PTPN13: variants seen among roughly 807,000 people sequenced by gnomAD.
PTPN13 encodes protein tyrosine phosphatase non-receptor type 13.
PTPN13 carries 191 observed loss-of-function variants against 284.0 expected under a neutral mutation model. The ratio of observed to expected loss-of-function variants is 0.67; its 90% CI spans 0.60 to 0.76. The LOEUF is 0.76. Ranked by LOEUF, PTPN13 falls within the 30% of genes least tolerant of loss-of-function variation. The pLI is 0.00. For missense variants in PTPN13, 2,797 were observed against 2,939.9 expected (o/e 0.95, Z 1.12); for synonymous variants, 986 against 1,022.3 (o/e 0.96, Z 0.68).
Position 86,762,745 on chromosome 4 carries a change from A to T in PTPN13, c.3572A>T (p.His1191Leu). 1 of 1,600,762 alleles carries T rather than the reference A, an allele frequency of 6.2e-7. No individual in the cohort carries two copies. The highest frequency in any genetic ancestry group is 8.6e-7 in the Non-Finnish European group (1 of 1,168,758). Residue 1191 changes from histidine (H) to leucine (L), a missense_variant, in exon 24 of 48, where the codon CAT becomes CTT. His to Leu is a moderately conservative substitution (Grantham distance 99). Transcript: ENST00000411767. ...CTTTTAGTGCCTTCTACTCCTGTGC[A>T]TCTCACCAATGAGATGAAAAACTAC... The part of the protein sequence containing the change: ...KISKVPSTPV[H>L]LTNEMKNYMK...
intron 2 of PTPN13, among the ~76,000 whole-genome samples, chr4:86,646,460 G>A (rs564104410): frequency 1.3e-4 from 20 of 152,006 alleles, no homozygotes; most frequent in African/African-American, 4.1e-4. Flanking sequence ...ACCATACCGG[G>A]CTATTTTCTC....
chr4:86,595,783 G>A (rs1355449290), intron 1 of PTPN13: 12 of 984,546 alleles, frequency 1.2e-5, no homozygotes, highest in African/African-American at 8.7e-5. Context: ...GATGAAGGGC[G>A]CTGGTAACTA....
At chr4:86,792,410 T>G (rs1742795693) in intron 40 of PTPN13, among the ~76,000 whole-genome samples, 1 of 152,156 alleles carries the variant, frequency 6.6e-6, no homozygotes, top group Non-Finnish European at 1.5e-5. Flanking sequence ...ACAGGCAGAA[T>G]GGAACCAAGT....
At chr4:86,663,168 T>G (rs1373740664) in intron 2 of PTPN13, among the ~76,000 whole-genome samples, 1 of 152,256 alleles carries the variant, frequency 6.6e-6, no homozygotes, top group Non-Finnish European at 1.5e-5. Context: ...AAGTATCTCT[T>G]TCTTACCCAT....
intron 3 of PTPN13, among the ~76,000 whole-genome samples, chr4:86,678,960 A>G (rs1728595460): frequency 1.3e-5 from 2 of 152,150 alleles, no homozygotes; most frequent in Non-Finnish European, 2.9e-5. Flanking sequence ...GAAAACCCAT[A>G]TATAATCTTG....
chr4:86,597,329 C>T (rs1332063319), intron 1 of PTPN13, among the ~76,000 whole-genome samples: 1 of 152,076 alleles, frequency 6.6e-6, no homozygotes, highest in Non-Finnish European at 1.5e-5. Flanking sequence ...CCTCAACTTA[C>T]CAGGCTCAAG....
At chr4:86,697,430 C>A (rs191039398) in intron 6 of PTPN13, among the ~76,000 whole-genome samples, 57 of 152,208 alleles carry the variant, frequency 3.7e-4, no homozygotes, top group African/African-American at 1.3e-3. Context: ...AGATTTTTAT[C>A]TATAAGTAAA....
At chr4:86,790,496 T>A (rs1400458936) in intron 40 of PTPN13, among the ~76,000 whole-genome samples, 1 of 152,040 alleles carries the variant, frequency 6.6e-6, no homozygotes, top group Non-Finnish European at 1.5e-5. Context: ...TAATTACAAG[T>A]TGTGTTAAGG....
Position 86,722,408 on chromosome 4 carries a change from A to G in PTPN13, c.1582A>G (p.Thr528Ala). The G allele has an allele frequency of 3.1e-6, 5 of 1,613,460 alleles. No individual in the cohort carries two copies. Among genetic ancestry groups the G allele is most frequent in the Non-Finnish European group, 4.2e-6 (5 of 1,179,506 alleles). Reference sequence around the variant, plus strand: ...TCCGTTAAGAGAAATTGCCCTAGAAACAGCCATGACTCAAAGAAAACTGAG... The same window carrying G: ...TCCGTTAAGAGAAATTGCCCTAGAAGCAGCCATGACTCAAAGAAAACTGAG... ...RDPLREIALE[T>A]AMTQRKLRNF... Residue 528 changes from threonine (T) to alanine (A), a missense_variant, in exon 10 of 48, where the codon ACA becomes GCA. Physicochemically the swap from Thr to Ala is moderately conservative, Grantham distance 58. Coordinates refer to ENST00000411767, the MANE Select transcript of PTPN13 (RefSeq NM_080683.3).
intron 2 of PTPN13, among the ~76,000 whole-genome samples, chr4:86,635,685 C>T (rs1048527658): frequency 2.0e-5 from 3 of 152,094 alleles, no homozygotes; most frequent in Non-Finnish European, 4.4e-5. Context: ...ATATTTGGGC[C>T]AGGTGCGGTG....
chr4:86,642,589 A>T (rs1165891659), intron 2 of PTPN13, among the ~76,000 whole-genome samples: 1 of 150,104 alleles, frequency 6.7e-6, no homozygotes, highest in African/African-American at 2.5e-5. Context: ...AGTAGCTGGG[A>T]TTACAGGCAT....
chr4:86,740,055 G>A (rs1486656476), intron 15 of PTPN13, among the ~76,000 whole-genome samples: 2 of 152,298 alleles, frequency 1.3e-5, no homozygotes, highest in East Asian at 1.9e-4. Flanking sequence ...CCTCCTGGCT[G>A]GTTTCATGGG....
intron 10 of PTPN13, 94 bp from the exon 11 acceptor site, chr4:86,732,306 A>G (rs928325217): frequency 3.8e-6 from 4 of 1,042,030 alleles, no homozygotes; most frequent in African/African-American, 3.2e-5. Context: ...TTGTAGTTTC[A>G]TATGTAATTT....
intron 1 of PTPN13, among the ~76,000 whole-genome samples, chr4:86,619,072 G>A (rs962108418): frequency 1.3e-5 from 2 of 151,848 alleles, no homozygotes; most frequent in Non-Finnish European, 2.9e-5. Context: ...GGTTTGATAC[G>A]CAGTTGGACA....
At chr4:86,697,129 C>G (rs1730670417) in intron 6 of PTPN13, among the ~76,000 whole-genome samples, 1 of 152,080 alleles carries the variant, frequency 6.6e-6, no homozygotes, top group Admixed American at 6.5e-5. Flanking sequence ...AGTAATTCTT[C>G]TAAGACACCT....
chr4:86,692,245 T>A (rs570747381), intron 5 of PTPN13, among the ~76,000 whole-genome samples: 7 of 152,360 alleles, frequency 4.6e-5, no homozygotes, highest in Admixed American at 2.0e-4. Context: ...AGATGTGGGA[T>A]GTTAGTAATA....
At chr4:86,610,952 T>C (rs903334917) in intron 1 of PTPN13, among the ~76,000 whole-genome samples, 1 of 152,238 alleles carries the variant, frequency 6.6e-6, no homozygotes, top group Admixed American at 6.5e-5. Flanking sequence ...ATTTTTTGTG[T>C]AGGAAGAGAG....
chr4:86,740,845 T>C (rs1440667705), intron 15 of PTPN13, among the ~76,000 whole-genome samples: 2 of 151,732 alleles, frequency 1.3e-5, no homozygotes, highest in Admixed American at 1.3e-4. Context: ...ATACCCTAAA[T>C]CATCTCTCTC....
chr4:86,701,907 A>C (rs1172161845), intron 7 of PTPN13, 106 bp downstream of exon 7: 3 of 1,120,872 alleles, frequency 2.7e-6, no homozygotes, highest in Non-Finnish European at 3.7e-6. Flanking sequence ...TTTCACTGCC[A>C]AATTTTTGTA....
Sources: allele counts gnomAD v4.1 joint callset (sites outside exome capture counted in the v4.1 genomes callset), GRCh38; gene constraint gnomAD v4.1.1; transcripts MANE v1.5; gene names NCBI Gene and HGNC (gene_info 2026-07-23, HGNC 2026-07-21).